Variants in SPAG17 observed in about 807,000 individuals in gnomAD.
SPAG17 encodes sperm-associated antigen 17.
Under a neutral mutation model 273.6 loss-of-function variants are expected in SPAG17, and 169 were observed. The ratio of observed to expected loss-of-function variants is 0.62; its 90% CI spans 0.55 to 0.70. The LOEUF (loss-of-function observed/expected upper bound fraction) is 0.70. SPAG17 is among the 30% of genes least tolerant of loss of function. The pLI, the probability that SPAG17 is intolerant of heterozygous loss-of-function variation, is 0.00. For synonymous variants in SPAG17, 825 were observed against 873.2 expected (o/e 0.94, Z 0.97); for missense variants, 2,557 against 2,627.8 (o/e 0.97, Z 0.59).
intron 20 of SPAG17, among the ~76,000 whole-genome samples, chr1:118,044,728 G>A (rs1650160920): frequency 6.6e-6 from 1 of 152,074 alleles, no homozygotes; most frequent in South Asian, 2.1e-4. Context: ...TTATGATACT[G>A]AGTGAGTTCT....
intron 18 of SPAG17, 127 bp from the exon 19 acceptor site, chr1:118,056,041 G>A: frequency 1.4e-6 from 1 of 697,076 alleles, no homozygotes; most frequent in Non-Finnish European, 2.3e-6. Context: ...CATCCTAGAT[G>A]TATTTTGTAC....
intron 42 of SPAG17, among the ~76,000 whole-genome samples, 154 bp downstream of exon 42, chr1:117,983,657 A>T (rs765694447): frequency 3.9e-5 from 6 of 152,148 alleles, no homozygotes; most frequent in Admixed American, 2.0e-4. Flanking sequence ...TTATTTACAT[A>T]TTTGTTTTCT....
At chr1:118,157,317 C>T (rs1659702691) in intron 1 of SPAG17, among the ~76,000 whole-genome samples, 1 of 152,114 alleles carries the variant, frequency 6.6e-6, no homozygotes, top group Non-Finnish European at 1.5e-5. Flanking sequence ...AAACCCCACC[C>T]CCATCCCAAA....
At chr1:118,094,570 A>T (rs1280230537) in intron 7 of SPAG17, among the ~76,000 whole-genome samples, 1 of 152,220 alleles carries the variant, frequency 6.6e-6, no homozygotes, top group Non-Finnish European at 1.5e-5. Flanking sequence ...CCTATCTTGG[A>T]TATGAAGCCA....
chr1:117,999,228 A>G (rs2101696610), intron 32 of SPAG17, among the ~76,000 whole-genome samples: 1 of 152,264 alleles, frequency 6.6e-6, no homozygotes, highest in East Asian at 1.9e-4. Context: ...CCAGTCTATC[A>G]TTGATGGATA....
chr1:118,049,195 G>A (rs1369981594), intron 20 of SPAG17, among the ~76,000 whole-genome samples: 2 of 152,160 alleles, frequency 1.3e-5, no homozygotes, highest in African/African-American at 4.8e-5. Context: ...AAATTGAAGG[G>A]AAGAGAATAC....
At chr1:118,075,461 C>T (rs145132522) in intron 15 of SPAG17, among the ~76,000 whole-genome samples, 288 of 152,294 alleles carry the variant, frequency 1.9e-3, no homozygotes, top group African/African-American at 6.7e-3. Context: ...CATAGATCAA[C>T]GAACATCTCA....
chr1:118,123,127 G>A (rs182435277), intron 3 of SPAG17, among the ~76,000 whole-genome samples: 1 of 152,206 alleles, frequency 6.6e-6, no homozygotes, highest in East Asian at 1.9e-4. Flanking sequence ...ATGTGAGATG[G>A]AGGAATTCCA....
rs534348998 is a variant in SPAG17, at chr1:118,059,859, A to C, written c.2541-3945T>G. ...TCTAAAGTGAGTCTCTTGCAGGCAG[A>C]GTATAGTTGGATATGGTTTTATTAT... On this transcript the variant is annotated intron_variant, in intron 18 of 48. Transcript: ENST00000336338. Among the ~76,000 whole-genome samples, 5 of 152,194 alleles carry C rather than the reference A, an allele frequency of 3.3e-5. No homozygotes were observed. In the South Asian group the frequency reaches 1.0e-3, roughly 32 times the overall value.
At chr1:117,995,653 T>C (rs970257320) in intron 34 of SPAG17, among the ~76,000 whole-genome samples, 8 of 150,158 alleles carry the variant, frequency 5.3e-5, no homozygotes, top group Non-Finnish European at 8.9e-5. Flanking sequence ...TATTTATAAA[T>C]GCACACAAAA....
chr1:118,081,484 T>C lies in SPAG17; in HGVS notation c.1921A>G (p.Arg641Gly), dbSNP rs1337880456. Reference protein sequence around the residue: ...MFNIPWDNPARFAKQIRQQYV... With the variant: ...MFNIPWDNPAGFAKQIRQQYV... The stretch of plus-strand genomic sequence containing the variant: ...TGCTGCCTTATCTGTTTAGCAAATC[T>C]GGCAGGGTTGTCCCACGGTATGTTG... The change falls in exon 14 of 49, where the codon AGA becomes GGA. Residue 641 changes from arginine to glycine, a missense_variant. Coordinates refer to ENST00000336338, the MANE Select transcript of SPAG17 (RefSeq NM_206996.4). The C allele has an allele frequency of 3.1e-6, 5 of 1,613,918 alleles. No homozygotes were observed. The highest frequency in any genetic ancestry group is 4.2e-6 in the Non-Finnish European group (5 of 1,180,006).
At chr1:118,140,566 T>C (rs997213604) in intron 3 of SPAG17, among the ~76,000 whole-genome samples, 9 of 152,184 alleles carry the variant, frequency 5.9e-5, no homozygotes, top group Admixed American at 5.2e-4. Flanking sequence ...GCCAGAACTA[T>C]GGGATTCACT....
At chr1:118,073,680 T>A (rs1010539282) in intron 17 of SPAG17, among the ~76,000 whole-genome samples, 174 bp downstream of exon 17, 1 of 151,926 alleles carries the variant, frequency 6.6e-6, no homozygotes, top group African/African-American at 2.4e-5. Flanking sequence ...TTTTAGAGAG[T>A]CGCTGGGAAT....
At chr1:118,027,780 C>G (rs1385713683) in intron 26 of SPAG17, among the ~76,000 whole-genome samples, 1 of 152,212 alleles carries the variant, frequency 6.6e-6, no homozygotes, top group Admixed American at 6.5e-5. Flanking sequence ...TATATAGATA[C>G]ATGAAAATGA....
At position 117,981,344 on chromosome 1, in the gene SPAG17, T is replaced by A; in HGVS notation, c.5930A>T (p.Lys1977Ile). ...QKSSSVPSLP[K>I]PEISADKKDF... ...CTTCTTATCTGCAGAAATCTCTGGT[T>A]TTGGAAGACTAGGCACACTTGAGGA... Residue 1977 changes from lysine (K) to isoleucine (I), a missense_variant, in exon 43 of 49, where the codon AAA (lysine) becomes ATA (isoleucine). Lys to Ile is a moderately radical substitution (Grantham distance 102). Coordinates refer to ENST00000336338, the MANE Select transcript of SPAG17 (RefSeq NM_206996.4). 1.2e-6 allele frequency: 2 copies of A among 1,601,804 alleles called. No homozygotes were observed. Among genetic ancestry groups the A allele is most frequent in the Non-Finnish European group, 1.7e-6 (2 of 1,177,310 alleles).
At chr1:117,977,944 C>G (rs1361311345) in intron 43 of SPAG17, among the ~76,000 whole-genome samples, 1 of 152,200 alleles carries the variant, frequency 6.6e-6, no homozygotes, top group Non-Finnish European at 1.5e-5. Context: ...CCTGTCTTAT[C>G]TGATTCTTGA....
At chr1:118,003,078 C>G (rs1395433353) in intron 32 of SPAG17, among the ~76,000 whole-genome samples, 1 of 152,170 alleles carries the variant, frequency 6.6e-6, no homozygotes, top group Non-Finnish European at 1.5e-5. Flanking sequence ...TTCTCCTTCA[C>G]TTATGAAGCT....
At chr1:118,093,037 G>A (rs1655485577) in intron 8 of SPAG17, 119 bp downstream of exon 8, 2 of 1,050,592 alleles carry the variant, frequency 1.9e-6, no homozygotes, top group Non-Finnish European at 2.7e-6. Context: ...TATGCCAGTA[G>A]GCAGTATGAC....
intron 45 of SPAG17, among the ~76,000 whole-genome samples, chr1:117,971,118 T>C (rs1214015328): frequency 1.3e-5 from 2 of 152,132 alleles, no homozygotes; most frequent in Non-Finnish European, 2.9e-5. Context: ...GACTTACCAC[T>C]CAACTCTGAA....
Sources: allele counts gnomAD v4.1 joint callset (sites outside exome capture counted in the v4.1 genomes callset), GRCh38; gene constraint gnomAD v4.1.1; transcripts MANE v1.5; gene names NCBI Gene and HGNC (gene_info 2026-07-23, HGNC 2026-07-21).